ABHD3: variants seen among roughly 807,000 people sequenced by gnomAD.
ABHD3 encodes the protein abhydrolase domain containing 3, phospholipase.
A neutral mutation model predicts 48.8 loss-of-function variants in ABHD3; 46 were observed. The ratio of observed to expected loss-of-function variants is 0.94; its 90% confidence interval spans 0.74 to 1.20. The LOEUF is 1.20. Ranked by LOEUF, ABHD3 falls within the 50% of genes most tolerant of loss-of-function variation. The probability of loss-of-function intolerance (pLI) is 0.00; values close to 1 mark genes in which losing one functional copy is unlikely to be tolerated. For missense variants in ABHD3, 490 were observed against 497.8 expected, an observed-to-expected ratio of 0.98 and a Z score of 0.15; for synonymous variants, 192 against 183.7, an observed-to-expected ratio of 1.04 and a Z score of -0.36.
intron 3 of ABHD3, among the ~76,000 whole-genome samples, chr18:21,690,555 T>C (rs1172752997): frequency 6.6e-6 from 1 of 152,064 alleles, no homozygotes; most frequent in East Asian, 1.9e-4. Context: ...TGAGTCGAGA[T>C]CATGCCACTG....
intron 3 of ABHD3, among the ~76,000 whole-genome samples, chr18:21,692,164 G>C (rs1480533104): frequency 6.6e-6 from 1 of 152,128 alleles, no homozygotes; most frequent in Admixed American, 6.6e-5. Context: ...CGGCCAGGCT[G>C]GTCTCGAACT....
chr18:21,685,293 T>C (rs759601978), intron 3 of ABHD3, among the ~76,000 whole-genome samples: 3 of 152,352 alleles, frequency 2.0e-5, no homozygotes, highest in Middle Eastern at 3.4e-3. Context: ...AACCTACTGC[T>C]GTATAGAACA....
At chr18:21,663,720 C>G in intron 5 of ABHD3, 1 of 1,535,546 alleles carries the variant, frequency 6.5e-7, no homozygotes, top group Non-Finnish European at 8.7e-7. Context: ...CTGGAGAGAG[C>G]AATAAGTGAT....
At chr18:21,684,766 T>G (rs1451984452) in intron 3 of ABHD3, among the ~76,000 whole-genome samples, 2 of 152,136 alleles carry the variant, frequency 1.3e-5, no homozygotes, top group Non-Finnish European at 2.9e-5. Flanking sequence ...TTACATGAGG[T>G]GTAAACATCA....
At chr18:21,674,143 A>G (rs1001171338) in intron 4 of ABHD3, among the ~76,000 whole-genome samples, 1 of 152,202 alleles carries the variant, frequency 6.6e-6, no homozygotes. Context: ...CATACCTTAC[A>G]GGATCACCTG....
intron 4 of ABHD3, among the ~76,000 whole-genome samples, chr18:21,672,235 C>G (rs1344781482): frequency 5.3e-5 from 8 of 152,052 alleles, no homozygotes; most frequent in Admixed American, 5.2e-4. Flanking sequence ...TTAAAATTCC[C>G]TCTGTTAATC....
At chr18:21,662,840 A>G (rs1317353391) in intron 5 of ABHD3, among the ~76,000 whole-genome samples, 3 of 152,142 alleles carry the variant, frequency 2.0e-5, no homozygotes, top group African/African-American at 7.2e-5. Flanking sequence ...ATTTCCCAGG[A>G]GCATTGAATA....
At chr18:21,681,139 T>C (rs1197130190) in intron 4 of ABHD3, among the ~76,000 whole-genome samples, 4 of 152,088 alleles carry the variant, frequency 2.6e-5, no homozygotes, top group Non-Finnish European at 5.9e-5. Flanking sequence ...ATAATCTCAG[T>C]CTGTCTCTCT....
At chr18:21,682,801 T>A (rs1196874094) in intron 4 of ABHD3, 4 of 152,224 alleles carry the variant, frequency 2.6e-5, no homozygotes, top group Non-Finnish European at 5.9e-5. Context: ...ATGATTTGCC[T>A]GGGCCAGGGC....
chr18:21,703,443 G>A (rs892443201), intron 2 of ABHD3, 141 bp downstream of exon 2: 4 of 1,014,650 alleles, frequency 3.9e-6, no homozygotes, highest in South Asian at 4.7e-5. Context: ...AGCCGGGGAC[G>A]TACCTTCCAT....
At chr18:21,656,172 A>G (rs1166538977) in intron 8 of ABHD3, among the ~76,000 whole-genome samples, 1 of 152,106 alleles carries the variant, frequency 6.6e-6, no homozygotes, top group Non-Finnish European at 1.5e-5. Context: ...TTTATTTCTG[A>G]ATAATTTTCT....
At chr18:21,659,658 G>T (rs1047468319) in intron 5 of ABHD3, among the ~76,000 whole-genome samples, 19 of 151,622 alleles carry the variant, frequency 1.3e-4, no homozygotes, top group Admixed American at 3.9e-4. Context: ...GAATCACCTA[G>T]AGTTTTTTTT....
intron 5 of ABHD3, chr18:21,663,615 A>G: frequency 2.0e-6 from 3 of 1,488,618 alleles, no homozygotes; most frequent in Non-Finnish European, 2.7e-6. Flanking sequence ...TTCAGTTTCT[A>G]GGAGAGCACT....
chr18:21,698,163 C>A (rs1297493507), intron 3 of ABHD3, among the ~76,000 whole-genome samples: 1 of 152,036 alleles, frequency 6.6e-6, no homozygotes, highest in Non-Finnish European at 1.5e-5. Flanking sequence ...TTTGCTTGTA[C>A]TCATTCTTTT....
Position 21,656,964 on chromosome 18 carries a change from A to G in ABHD3, c.954T>C (p.Ile318=). The change falls in exon 8 of 9, where the codon ATT becomes ATC. Residue 318 remains isoleucine, a synonymous_variant. Coordinates refer to ENST00000289119, the MANE Select transcript of ABHD3 (RefSeq NM_138340.5). The stretch of plus-strand genomic sequence containing the variant: ...GACTGGCATCAGTATAATAATCATC[A>G]ATTGTTTGGTATCCAAACATGACTG... ...FTSVMFGYQT[I]DDYYTDASPS... 6.2e-7 allele frequency: 1 copy of G among 1,614,028 alleles called. No homozygotes were observed. The highest frequency in any genetic ancestry group is 8.5e-7 in the Non-Finnish European group (1 of 1,179,948).
intron 5 of ABHD3, among the ~76,000 whole-genome samples, chr18:21,663,266 C>T (rs2039543841): frequency 6.6e-6 from 1 of 151,856 alleles, no homozygotes; most frequent in Non-Finnish European, 1.5e-5. Flanking sequence ...TCAAGTGATT[C>T]ATGTTCAAGA....
At chr18:21,675,866 GCAGATCACT>G (rs1453248216) in intron 4 of ABHD3, among the ~76,000 whole-genome samples, 1 of 152,182 alleles carries the variant, frequency 6.6e-6, no homozygotes, top group African/African-American at 2.4e-5. Flanking sequence ...GCCAAGGTGG[GCAGATCACT>G]TCAGCCAAAT....
At chr18:21,679,724 G>A (rs558328404) in intron 4 of ABHD3, among the ~76,000 whole-genome samples, 27 of 152,018 alleles carry the variant, frequency 1.8e-4, no homozygotes, top group African/African-American at 6.0e-4. Context: ...ACAGAATTTC[G>A]CCAAGTTGGC....
At chr18:21,661,524 G>A (rs921510688) in intron 5 of ABHD3, among the ~76,000 whole-genome samples, 1 of 151,782 alleles carries the variant, frequency 6.6e-6, no homozygotes, top group Admixed American at 6.6e-5. Flanking sequence ...CTAGCTACTC[G>A]TGAGGCTGAA....
Sources: allele counts gnomAD v4.1 joint callset (sites outside exome capture counted in the v4.1 genomes callset), GRCh38; gene constraint gnomAD v4.1.1; transcripts MANE v1.5; gene names NCBI Gene and HGNC (gene_info 2026-07-23, HGNC 2026-07-21).